The following PTPRT variants were observed in gnomAD, a reference collection of about 807,000 sequenced individuals.
PTPRT encodes protein tyrosine phosphatase receptor type T.
A neutral mutation model predicts 176.8 loss-of-function variants in PTPRT; 56 were observed. The ratio of observed to expected loss-of-function variants is 0.32; its 90% CI spans 0.26 to 0.40. The LOEUF is 0.40. Ranked by LOEUF, PTPRT falls within the 10% of genes least tolerant of loss-of-function variation. The pLI is 1.00. For missense variants in PTPRT, 1,540 were observed against 1,908.2 expected (o/e 0.81, Z 3.60); for synonymous variants, 783 against 739.0 (o/e 1.06, Z -0.96).
At chr20:43,027,205 C>T (rs1047501835) in intron 1 of PTPRT, among the ~76,000 whole-genome samples, 4 of 152,114 alleles carry the variant, frequency 2.6e-5, no homozygotes, top group African/African-American at 9.7e-5. Context: ...CAGCCAGGCA[C>T]GGTGATTCAC....
At chr20:42,806,106 C>T (rs769985811) in intron 2 of PTPRT, among the ~76,000 whole-genome samples, 4 of 151,892 alleles carry the variant, frequency 2.6e-5, no homozygotes, top group Non-Finnish European at 5.9e-5. Flanking sequence ...AAACCCAGCC[C>T]TCTCATTTCC....
intron 17 of PTPRT, among the ~76,000 whole-genome samples, chr20:42,150,933 A>G (rs1600594168): frequency 1.3e-5 from 2 of 152,126 alleles, no homozygotes; most frequent in Admixed American, 1.3e-4. Flanking sequence ...AAAATAACAC[A>G]CCCCACGGAA....
intron 23 of PTPRT, among the ~76,000 whole-genome samples, chr20:42,107,717 C>T (rs560728688): frequency 7.2e-5 from 11 of 152,334 alleles, no homozygotes; most frequent in East Asian, 3.9e-4. Flanking sequence ...GGCCCCCTTC[C>T]GCTGCGTTTT....
chr20:42,149,422 A>ATTTTTT (rs11479052), intron 17 of PTPRT, among the ~76,000 whole-genome samples: 3 of 143,946 alleles, frequency 2.1e-5, no homozygotes, highest in Non-Finnish European at 3.0e-5. Context: ...AAAGTTTTGG[A>ATTTTTT]TTTTTTTTTT....
chr20:42,542,973 G>T (rs1417939486), intron 7 of PTPRT, among the ~76,000 whole-genome samples: 1 of 152,170 alleles, frequency 6.6e-6, no homozygotes, highest in Non-Finnish European at 1.5e-5. Context: ...AAAATACTTT[G>T]TTGCTGAAAA....
intron 15 of PTPRT, among the ~76,000 whole-genome samples, chr20:42,232,294 G>T (rs1161854054): frequency 6.6e-6 from 1 of 152,218 alleles, no homozygotes; most frequent in East Asian, 1.9e-4. Flanking sequence ...TGATACCTAT[G>T]AGGAGGGTAT....
At chr20:42,479,617 G>A (rs1433310220) in intron 7 of PTPRT, among the ~76,000 whole-genome samples, 1 of 152,178 alleles carries the variant, frequency 6.6e-6, no homozygotes, top group East Asian at 1.9e-4. Flanking sequence ...TATTGCAGAT[G>A]TTTGGTGGAC....
chr20:42,090,168 C>G (rs932415809), intron 27 of PTPRT, among the ~76,000 whole-genome samples: 1 of 151,998 alleles, frequency 6.6e-6, no homozygotes, highest in Non-Finnish European at 1.5e-5. Context: ...AGCAAGTACT[C>G]AATTAATGTA....
intron 13 of PTPRT, among the ~76,000 whole-genome samples, chr20:42,264,313 G>A (rs1047471793): frequency 3.9e-5 from 6 of 152,166 alleles, no homozygotes; most frequent in Non-Finnish European, 7.3e-5. Context: ...ATTCAGTGGG[G>A]AGACGGGCAA....
intron 1 of PTPRT, among the ~76,000 whole-genome samples, chr20:43,012,136 A>G (rs933151256): frequency 6.6e-5 from 10 of 152,104 alleles, no homozygotes; most frequent in Non-Finnish European, 8.8e-5. Context: ...TGACCATGTG[A>G]GTCAATACTC....
chr20:42,850,546 C>T (rs575238800), intron 2 of PTPRT, among the ~76,000 whole-genome samples: 3 of 152,316 alleles, frequency 2.0e-5, no homozygotes, highest in East Asian at 3.9e-4. Context: ...GTGAATGTGC[C>T]TTCTACAGGC....
intron 1 of PTPRT, among the ~76,000 whole-genome samples, chr20:42,896,219 A>G (rs2079294288): frequency 6.6e-6 from 1 of 152,122 alleles, no homozygotes; most frequent in African/African-American, 2.4e-5. Flanking sequence ...CAAGACTCCA[A>G]TCATGGGTTT....
intron 13 of PTPRT, among the ~76,000 whole-genome samples, chr20:42,281,793 T>C (rs1405744609): frequency 6.6e-6 from 1 of 152,190 alleles, no homozygotes; most frequent in Non-Finnish European, 1.5e-5. Flanking sequence ...ATATCAACTC[T>C]GTAACAAAAA....
intron 17 of PTPRT, among the ~76,000 whole-genome samples, chr20:42,156,591 C>T (rs73909223): frequency 0.01 from 1,577 of 152,328 alleles, 26 homozygotes; most frequent in African/African-American, 0.035. Context: ...ACATTGCAAA[C>T]TCAATTTAAC....
At chr20:42,491,568 T>C (rs1002702285) in intron 7 of PTPRT, among the ~76,000 whole-genome samples, 4 of 152,022 alleles carry the variant, frequency 2.6e-5, no homozygotes, top group Non-Finnish European at 4.4e-5. Flanking sequence ...GAACAGGGCT[T>C]GAGGGGGCAA....
chr20:42,767,468 G>A (rs144263583), intron 5 of PTPRT, among the ~76,000 whole-genome samples: 6 of 151,978 alleles, frequency 3.9e-5, no homozygotes, highest in African/African-American at 9.7e-5. Context: ...TCTCCAGCTC[G>A]CAGATGGCAG....
Position 42,789,604 on chromosome 20 carries a change from G to A in PTPRT, c.486+1591C>T, listed in dbSNP as rs6030472. Among the ~76,000 whole-genome samples the A allele has an allele frequency of 9.7e-4, 148 of 152,208 alleles. 1 individual carries two copies. Among genetic ancestry groups the A allele is most frequent in the African/African-American group, 3.3e-3 (135 of 41,538 alleles). ...GGAACATGATAAACACCCAATGAAC[G>A]GTAGGTATCACCATCACCACCATTA... is the stretch of plus-strand genomic sequence containing the variant. On this transcript the variant is annotated intron_variant, in intron 3 of 30. Transcript: ENST00000373187.
At chr20:42,696,134 C>A (rs2075871206) in intron 6 of PTPRT, among the ~76,000 whole-genome samples, 1 of 151,494 alleles carries the variant, frequency 6.6e-6, no homozygotes, top group South Asian at 2.1e-4. Flanking sequence ...TTTTCCTCTG[C>A]TCTTCCCTCC....
intron 7 of PTPRT, among the ~76,000 whole-genome samples, chr20:42,544,125 T>C (rs1601234383): frequency 1.3e-5 from 2 of 152,296 alleles, no homozygotes; most frequent in South Asian, 4.1e-4. Flanking sequence ...AGTCTGTCCA[T>C]TGAGGCTTTG....
Sources: gnomAD v4.1 joint callset for allele counts (sites outside exome capture counted in the v4.1 genomes callset) on GRCh38, gnomAD v4.1.1 for gene constraint, MANE v1.5 for transcripts, NCBI Gene and HGNC (gene_info 2026-07-23, HGNC 2026-07-21) for gene names.